The following ANO3 variants were observed in gnomAD, a reference collection of about 807,000 sequenced individuals.
ANO3 encodes the protein anoctamin-3.
ANO3 carries 99 observed loss-of-function variants against 144.8 expected under a neutral mutation model. That is an observed-to-expected ratio of 0.68 (90% CI 0.58 to 0.81). ANO3 has a LOEUF of 0.81. Among genes scored for constraint, ANO3 ranks in the 30% least tolerant of loss-of-function variants. The probability of loss-of-function intolerance (pLI) is 0.00; values close to 1 mark genes in which losing one functional copy is unlikely to be tolerated. For synonymous variants in ANO3, 414 were observed against 392.6 expected (o/e 1.05, Z -0.64); for missense variants, 905 against 1,202.2 (o/e 0.75, Z 3.66).
intron 17 of ANO3, among the ~76,000 whole-genome samples, chr11:26,601,736 G>C (rs1851805311): frequency 6.6e-6 from 1 of 152,164 alleles, no homozygotes; most frequent in Admixed American, 6.5e-5. Flanking sequence ...TACAAACTAT[G>C]ACAGCTTTTC....
At chr11:26,263,708 TA>T (rs1412687229) in intron 1 of ANO3, among the ~76,000 whole-genome samples, 1 of 152,228 alleles carries the variant, frequency 6.6e-6, no homozygotes, top group Non-Finnish European at 1.5e-5. Flanking sequence ...TTTTTAAAAT[TA>T]CAGTGAAAAG....
intron 14 of ANO3, among the ~76,000 whole-genome samples, chr11:26,569,851 G>A (rs1850749818): frequency 6.6e-6 from 1 of 152,064 alleles, no homozygotes; most frequent in African/African-American, 2.4e-5. Context: ...CACTGTGGGG[G>A]CAGACAGAAG....
intron 3 of ANO3, among the ~76,000 whole-genome samples, chr11:26,450,313 G>A (rs1858880155): frequency 2.0e-5 from 3 of 152,164 alleles, no homozygotes; most frequent in African/African-American, 4.8e-5. Context: ...GGAAAGCAGT[G>A]TATCTGCAGG....
chr11:26,333,052 C>G (rs796633566), intron 1 of ANO3, among the ~76,000 whole-genome samples: 2 of 152,212 alleles, frequency 1.3e-5, no homozygotes, highest in African/African-American at 4.8e-5. Context: ...GAGGCACATT[C>G]ACAGTTTTTG....
At chr11:26,259,848 A>G (rs1275498551) in intron 1 of ANO3, among the ~76,000 whole-genome samples, 1 of 151,962 alleles carries the variant, frequency 6.6e-6, no homozygotes, top group East Asian at 1.9e-4. Flanking sequence ...TCTTACTTAC[A>G]TAGAGAATAT....
At chr11:26,366,567 T>C (rs1193414620) in intron 1 of ANO3, among the ~76,000 whole-genome samples, 2 of 152,178 alleles carry the variant, frequency 1.3e-5, no homozygotes, top group Non-Finnish European at 2.9e-5. Flanking sequence ...TCTTCCACAA[T>C]GGTTGAACTA....
At chr11:26,407,074 G>GTATATATATATA (rs1366416693) in intron 1 of ANO3, among the ~76,000 whole-genome samples, 21 of 101,594 alleles carry the variant, frequency 2.1e-4, no homozygotes, top group Non-Finnish European at 3.7e-4. Context: ...GTGTGTGTGT[G>GTATATATATATA]TGTATATATA....
chr11:26,273,226 GT>G (rs111972372), intron 1 of ANO3, among the ~76,000 whole-genome samples: 6,856 of 127,748 alleles, frequency 0.054, 260 homozygotes, highest in African/African-American at 0.14. Context: ...GCCTTTTAAA[GT>G]TTTTTTTTTT....
At chr11:26,269,260 T>A (rs528973082) in intron 1 of ANO3, among the ~76,000 whole-genome samples, 17 of 152,314 alleles carry the variant, frequency 1.1e-4, no homozygotes, top group African/African-American at 4.1e-4. Context: ...ATCAGGGGCC[T>A]TTGGCACTCA....
At chr11:26,228,826 C>T (rs1323187210) in intron 1 of ANO3, among the ~76,000 whole-genome samples, 1 of 152,070 alleles carries the variant, frequency 6.6e-6, no homozygotes, top group Non-Finnish European at 1.5e-5. Flanking sequence ...AGCTGAAGAC[C>T]CACTGCCAAT....
chr11:26,300,868 T>TC (rs1277894793), intron 1 of ANO3, among the ~76,000 whole-genome samples: 3 of 148,844 alleles, frequency 2.0e-5, no homozygotes, highest in Admixed American at 6.7e-5. Flanking sequence ...TTTTTTTTTT[T>TC]TTTGAGGTGG....
rs377243055 is a variant in ANO3, at chr11:26,371,499, C to G, written c.46+39178C>G. On this transcript the variant is annotated intron_variant, in intron 1 of 26. Coordinates refer to ENST00000256737, the MANE Select transcript of ANO3 (RefSeq NM_031418.4). ...AGTGGAGCTGTAAGAAGAGGACCAT[C>G]ATCATCATCCTTTAGACCCAGAATG... Among the ~76,000 whole-genome samples, 12 of 152,292 alleles carry G rather than the reference C, an allele frequency of 7.9e-5. 1 individual carries two copies. In the East Asian group the frequency reaches 1.9e-3, roughly 25 times the overall value.
chr11:26,629,796 T>C (rs1852716955), intron 18 of ANO3, among the ~76,000 whole-genome samples: 1 of 152,082 alleles, frequency 6.6e-6, no homozygotes, highest in Admixed American at 6.5e-5. Flanking sequence ...CACGCCTGGC[T>C]AATTTTGTAT....
intron 17 of ANO3, 52 bp downstream of exon 17, chr11:26,599,766 G>C: frequency 6.6e-7 from 1 of 1,523,514 alleles, no homozygotes; most frequent in Non-Finnish European, 8.9e-7. Context: ...GTGGAAAGGG[G>C]AGAGGTCTAT....
chr11:26,577,966 T>C (rs1439698095), intron 14 of ANO3, among the ~76,000 whole-genome samples: 3 of 152,166 alleles, frequency 2.0e-5, no homozygotes, highest in African/African-American at 7.2e-5. Context: ...GGGAGTGAAC[T>C]AGAACTATGA....
intron 1 of ANO3, among the ~76,000 whole-genome samples, chr11:26,195,225 G>A (rs1161742303): frequency 1.3e-5 from 2 of 152,196 alleles, no homozygotes; most frequent in African/African-American, 4.8e-5. Context: ...AATGAGGTCA[G>A]TAATTTGTCT....
At position 26,202,003 on chromosome 11, in the gene ANO3, A is replaced by G. The variant is rs544880113; in HGVS notation, c.154+12673A>G. ...CACTTACGATATCTGTTACTTATTT[A>G]TTCATTTGCAGAAAGGTCAGTTTAA... On this transcript the variant is annotated intron_variant, in intron 1 of 27. Coordinates refer to the ANO3 transcript ENST00000672621. Among the ~76,000 whole-genome samples the G allele has an allele frequency of 1.5e-4, 23 of 151,198 alleles. No individual in the cohort carries two copies. The East Asian group carries it at 3.9e-3, about 25-fold the overall frequency.
At chr11:26,627,814 A>AGTGTGTGT (rs72002807) in intron 18 of ANO3, among the ~76,000 whole-genome samples, 5,222 of 131,106 alleles carry the variant, frequency 0.04, 177 homozygotes, top group East Asian at 0.19. Context: ...AATAGAATCT[A>AGTGTGTGT]GTGTGTGTGT....
At chr11:26,521,484 G>A (rs10834998) in intron 6 of ANO3, among the ~76,000 whole-genome samples, 17,791 of 152,012 alleles carry the variant, frequency 0.12, 1,783 homozygotes, top group East Asian at 0.53. Flanking sequence ...GGATGTATGT[G>A]TAAAATTTTA....
Sources: allele counts gnomAD v4.1 joint callset (sites outside exome capture counted in the v4.1 genomes callset), GRCh38; gene constraint gnomAD v4.1.1; transcripts MANE v1.5; gene names NCBI Gene and HGNC (gene_info 2026-07-23, HGNC 2026-07-21).